Variants in CYP2J2 observed in about 807,000 individuals in gnomAD.
CYP2J2 encodes the protein cytochrome P450 2J2.
Under a neutral mutation model 48.8 loss-of-function variants are expected in CYP2J2, and 41 were observed. That is an observed-to-expected ratio of 0.84 (90% CI 0.66 to 1.09). The LOEUF (loss-of-function observed/expected upper bound fraction) is 1.09. Ranked by LOEUF, CYP2J2 falls within the 50% of genes least tolerant of loss-of-function variation. The pLI is 0.00. For missense variants in CYP2J2, 644 were observed against 617.3 expected, an observed-to-expected ratio of 1.04 and a Z score of -0.46; for synonymous variants, 221 against 227.1, an observed-to-expected ratio of 0.97 and a Z score of 0.24.
chr1:59,901,151 C>A (rs1027032380), intron 7 of CYP2J2, 48 bp from the exon 8 acceptor site: 63 of 1,594,146 alleles, frequency 4.0e-5, no homozygotes, highest in Non-Finnish European at 5.2e-5. Context: ...CATGAAAAAG[C>A]ACACCTATGC....
At chr1:59,910,319 A>G (rs976666330) in intron 4 of CYP2J2, among the ~76,000 whole-genome samples, 5 of 152,186 alleles carry the variant, frequency 3.3e-5, no homozygotes, top group African/African-American at 1.2e-4. Flanking sequence ...GTCTTTTTAG[A>G]AATATATGCT....
At chr1:59,954,591 G>GT in the CYP2J2 span, among the ~76,000 whole-genome samples, 2 of 147,856 alleles carry the variant, frequency 1.4e-5, no homozygotes, top group African/African-American at 2.5e-5. Flanking sequence ...GGTGGGTCGG[G>GT]GGGGGATGCA....
the CYP2J2 span, among the ~76,000 whole-genome samples, chr1:59,940,859 T>C: frequency 1.3e-5 from 2 of 152,180 alleles, no homozygotes; most frequent in Non-Finnish European, 2.9e-5. Context: ...CTGGAAGTTA[T>C]TATATTAAGT....
chr1:59,932,755 C>T, the CYP2J2 span, among the ~76,000 whole-genome samples: 1 of 150,092 alleles, frequency 6.7e-6, no homozygotes, highest in Non-Finnish European at 1.5e-5. Flanking sequence ...GGCTGGAGTG[C>T]AGTGGTGCAA....
At chr1:59,965,646 C>G in the CYP2J2 span, among the ~76,000 whole-genome samples, 1 of 152,010 alleles carries the variant, frequency 6.6e-6, no homozygotes, top group African/African-American at 2.4e-5. Context: ...CTAGGGTGTA[C>G]CCAAATTCTG....
chr1:59,916,816 C>A (rs1386494786), intron 1 of CYP2J2, among the ~76,000 whole-genome samples: 3 of 152,010 alleles, frequency 2.0e-5, no homozygotes, highest in African/African-American at 7.2e-5. Flanking sequence ...CATCTGAATT[C>A]TCACCTGAAC....
intron 3 of CYP2J2, 47 bp from the exon 4 acceptor site, chr1:59,911,815 T>A (rs1386570982): frequency 6.4e-7 from 1 of 1,574,762 alleles, no homozygotes; most frequent in African/African-American, 1.4e-5. Context: ...TGGATTTGTC[T>A]CCATTTCCTA....
the CYP2J2 span, among the ~76,000 whole-genome samples, chr1:59,932,292 G>A: frequency 6.6e-6 from 1 of 152,040 alleles, no homozygotes; most frequent in Non-Finnish European, 1.5e-5. Flanking sequence ...AGATTTTATT[G>A]AGGAGTAATA....
chr1:59,947,148 TGAGA>T, the CYP2J2 span, among the ~76,000 whole-genome samples: 1 of 151,332 alleles, frequency 6.6e-6, no homozygotes, highest in Admixed American at 6.7e-5. Context: ...TGCTCCTCCT[TGAGA>T]CTTATTTTTT....
chr1:59,936,933 T>G, the CYP2J2 span, among the ~76,000 whole-genome samples: 3 of 152,234 alleles, frequency 2.0e-5, no homozygotes, highest in African/African-American at 7.2e-5. Context: ...GTAACTCAGG[T>G]TACTTATTGG....
Position 59,909,991 on chromosome 1 carries a change from A to T in CYP2J2, c.685-31T>A. On this transcript the variant is annotated intron_variant, in intron 4 of 8. Coordinates refer to ENST00000371204, the MANE Select transcript of CYP2J2 (RefSeq NM_000775.4). The stretch of plus-strand genomic sequence containing the variant: ...TGAGAAAAACAAAACAATCATGCAG[A>T]TAACATGGTGCCATTTTTTTCTTTT... 3.9e-6 allele frequency: 6 copies of T among 1,534,996 alleles called. No individual in the cohort carries two copies. In the South Asian group the frequency reaches 6.0e-5, roughly 15 times the overall value.
chr1:59,953,131 G>A, the CYP2J2 span, among the ~76,000 whole-genome samples: 3 of 152,142 alleles, frequency 2.0e-5, no homozygotes, highest in South Asian at 4.1e-4. Context: ...GGTCATAGGC[G>A]AGGAAGGTCA....
the CYP2J2 span, among the ~76,000 whole-genome samples, chr1:59,942,144 C>T: frequency 6.6e-6 from 1 of 151,986 alleles, no homozygotes; most frequent in Non-Finnish European, 1.5e-5. Flanking sequence ...GATAATAAAC[C>T]AATAAACCAA....
intron 1 of CYP2J2, among the ~76,000 whole-genome samples, chr1:59,926,188 T>C (rs562352144): frequency 6.6e-6 from 1 of 152,288 alleles, no homozygotes; most frequent in Admixed American, 6.5e-5. Context: ...CACCATTTTA[T>C]GTATGGGAAA....
the CYP2J2 span, among the ~76,000 whole-genome samples, chr1:59,944,597 A>G: frequency 6.6e-6 from 1 of 152,176 alleles, no homozygotes; most frequent in African/African-American, 2.4e-5. Context: ...TTTTCATTTA[A>G]ATACCGATAA....
intron 8 of CYP2J2, among the ~76,000 whole-genome samples, chr1:59,896,374 T>G (rs2102101518): frequency 6.6e-6 from 1 of 152,064 alleles, no homozygotes; most frequent in East Asian, 1.9e-4. Context: ...TATTTACATC[T>G]ACATTTCTAC....
At chr1:59,967,260 T>TA in the CYP2J2 span, among the ~76,000 whole-genome samples, 21 of 152,286 alleles carry the variant, frequency 1.4e-4, 1 homozygote, top group African/African-American at 5.1e-4. Flanking sequence ...GCAAACCTCT[T>TA]AAAAGAGGTT....
At chr1:59,922,886 A>G (rs1323706326) in intron 1 of CYP2J2, among the ~76,000 whole-genome samples, 5 of 152,230 alleles carry the variant, frequency 3.3e-5, no homozygotes, top group Non-Finnish European at 5.9e-5. Flanking sequence ...AAAAGGTCCT[A>G]TAGCACTGGA....
chr1:59,966,067 T>C, the CYP2J2 span, among the ~76,000 whole-genome samples: 61 of 152,306 alleles, frequency 4.0e-4, no homozygotes, highest in East Asian at 9.4e-3. Context: ...TTAATTTATT[T>C]TGGAAGGCTT....
Sources: allele counts gnomAD v4.1 joint callset (sites outside exome capture counted in the v4.1 genomes callset), GRCh38; gene constraint gnomAD v4.1.1; transcripts MANE v1.5; gene names NCBI Gene and HGNC (gene_info 2026-07-23, HGNC 2026-07-21).